The following ANKFY1 variants were observed in gnomAD, a reference collection of about 807,000 sequenced individuals.
ANKFY1 encodes the protein ankyrin repeat and FYVE domain containing 1, also known as ankyrin repeat and FYVE domain-containing protein 1.
Under a neutral mutation model 128.3 loss-of-function variants are expected in ANKFY1, and 47 were observed. That is an observed-to-expected ratio of 0.37 (90% CI 0.29 to 0.47). The LOEUF is 0.47. Ranked by LOEUF, ANKFY1 falls within the 20% of genes least tolerant of loss-of-function variation. The pLI is 1.00. For missense variants in ANKFY1, 1,222 were observed against 1,510.6 expected, an observed-to-expected ratio of 0.81 and a Z score of 3.17; for synonymous variants, 553 against 601.6, an observed-to-expected ratio of 0.92 and a Z score of 1.18.
chr17:4,183,874 A>G lies in ANKFY1; in HGVS notation c.1736T>C (p.Ile579Thr). Reference protein sequence around the residue: ...ALHATNNLQIIPDFSLKDSRD... With the variant: ...ALHATNNLQITPDFSLKDSRD... The stretch of plus-strand genomic sequence containing the variant: ...GGAATCTTTGAGGCTGAAGTCCGGA[A>G]TGATCTGCAAGTTGTTGGTGGCATG... The change falls in exon 13 of 25, where the codon ATT becomes ACT. Residue 579 changes from isoleucine to threonine, a missense_variant. Physicochemically the swap from Ile to Thr is moderately conservative, Grantham distance 89. Coordinates refer to ENST00000341657, the MANE Select transcript of ANKFY1 (RefSeq NM_001330063.2). The G allele has an allele frequency of 6.2e-7, 1 of 1,613,990 alleles. No homozygotes were observed. The highest frequency in any genetic ancestry group is 8.5e-7 in the Non-Finnish European group (1 of 1,179,826).
intron 7 of ANKFY1, among the ~76,000 whole-genome samples, chr17:4,202,979 C>CATATATATATATATAT (rs1187854341): frequency 9.6e-6 from 1 of 104,326 alleles, no homozygotes; most frequent in African/African-American, 3.2e-5. Context: ...TATAATCATA[C>CATATATATATATATAT]ACATATATAT....
intron 2 of ANKFY1, among the ~76,000 whole-genome samples, chr17:4,237,901 A>G (rs917629240): frequency 1.3e-5 from 2 of 152,162 alleles, no homozygotes; most frequent in Non-Finnish European, 2.9e-5. Flanking sequence ...GGAGGCAAAG[A>G]GTTTCTTGTT....
Position 4,176,736 on chromosome 17 carries a change from C to T in ANKFY1, c.2775+390G>A, listed in dbSNP as rs186009226. ...GGGGGTAAAATTCTTTCTCGGCCTA[C>T]ATTTTCTCCTTTGTAAAATGTAAAA... On this transcript the variant is annotated intron_variant, in intron 19 of 24. Coordinates refer to ENST00000341657, the MANE Select transcript of ANKFY1 (RefSeq NM_001330063.2). Among the ~76,000 whole-genome samples the T allele has an allele frequency of 2.6e-5, 4 of 152,374 alleles. No individual in the cohort carries two copies. In the East Asian group the frequency reaches 5.8e-4, roughly 22 times the overall value.
At chr17:4,259,962 G>A (rs886684005) in intron 1 of ANKFY1, among the ~76,000 whole-genome samples, 1 of 152,196 alleles carries the variant, frequency 6.6e-6, no homozygotes, top group Non-Finnish European at 1.5e-5. Flanking sequence ...TCCAGGCCAA[G>A]GAAACTGCAG....
intron 2 of ANKFY1, among the ~76,000 whole-genome samples, chr17:4,237,665 G>A (rs1371374647): frequency 6.6e-6 from 1 of 152,030 alleles, no homozygotes; most frequent in African/African-American, 2.4e-5. Context: ...TCTATCTTTT[G>A]TAATCTGACA....
chr17:4,237,812 T>A (rs1021616505), intron 2 of ANKFY1, among the ~76,000 whole-genome samples: 11 of 152,178 alleles, frequency 7.2e-5, no homozygotes, highest in East Asian at 3.8e-4. Context: ...ACCTAGTAAT[T>A]TTTTTAAAAA....
Position 4,167,269 on chromosome 17 carries a change from C to G in ANKFY1, c.*510G>C, listed in dbSNP as rs977522377. 6.5e-6 allele frequency: 1 copy of G among 152,752 alleles called. No homozygotes were observed. Among genetic ancestry groups the G allele is most frequent in the African/African-American group, 2.4e-5 (1 of 41,468 alleles). The allele number at this position is 152,752 out of a possible 1,614,324, so 9.5% of individuals were successfully genotyped here. A position where few individuals can be genotyped will look rare whatever the true frequency, so the allele number is the denominator to read the frequency against. ...AGCTTAGCGTAAAAAGAAAAAAAGA[C>G]TTCAGGGCAAGAGGATCCTATTATC... On this transcript the variant is annotated 3_prime_UTR_variant, in exon 25 of 25. Coordinates refer to ENST00000341657, the MANE Select transcript of ANKFY1 (RefSeq NM_001330063.2). The surrounding 1 kb of genome is among the most constrained non-coding windows in gnomAD (Gnocchi z 4.1).
At chr17:4,222,430 A>G in intron 3 of ANKFY1, 2 of 803,200 alleles carry the variant, frequency 2.5e-6, no homozygotes, top group South Asian at 2.7e-5. Context: ...TTCGAAGTCC[A>G]AGGTTGAATG....
At chr17:4,208,866 C>T (rs2060073982) in intron 5 of ANKFY1, among the ~76,000 whole-genome samples, 1 of 152,114 alleles carries the variant, frequency 6.6e-6, no homozygotes, top group African/African-American at 2.4e-5. Flanking sequence ...TGAGACCAGC[C>T]TGACCAACGT....
At chr17:4,231,387 G>A (rs1311857912) in intron 3 of ANKFY1, among the ~76,000 whole-genome samples, 2 of 152,096 alleles carry the variant, frequency 1.3e-5, no homozygotes, top group African/African-American at 4.8e-5. Flanking sequence ...TACTTGAGAG[G>A]CTGAGGTGGG....
chr17:4,243,704 T>TC (rs1173436982), intron 1 of ANKFY1, among the ~76,000 whole-genome samples: 1 of 152,174 alleles, frequency 6.6e-6, no homozygotes, highest in Admixed American at 6.5e-5. Context: ...GCACCTATCC[T>TC]CCTTCAGGTG....
intron 22 of ANKFY1, among the ~76,000 whole-genome samples, chr17:4,171,955 C>T (rs2059328171): frequency 6.6e-6 from 1 of 152,120 alleles, no homozygotes; most frequent in African/African-American, 2.4e-5. Flanking sequence ...TTTTCCTTAC[C>T]CGAAAAACGG....
At position 4,172,685 on chromosome 17, in the gene ANKFY1, T is replaced by C. The variant is rs765148229; in HGVS notation, c.3015-5A>G. The stretch of plus-strand genomic sequence containing the variant: ...ATGTGCAGTGGTGACTGGCCTCTGA[T>C]AAAACAAGTTGGAAAAGTTAGGAAT... On this transcript the variant is annotated splice_polypyrimidine_tract_variant and splice_region_variant and intron_variant, in intron 21 of 24. Coordinates refer to ENST00000341657, the MANE Select transcript of ANKFY1 (RefSeq NM_001330063.2). The C allele has an allele frequency of 5.6e-6, 9 of 1,613,692 alleles. No individual in the cohort carries two copies. The South Asian group carries it at 7.7e-5, about 14-fold the overall frequency.
chr17:4,262,063 T>C (rs576888519), intron 1 of ANKFY1, among the ~76,000 whole-genome samples: 2 of 152,322 alleles, frequency 1.3e-5, no homozygotes, highest in African/African-American at 2.4e-5. Context: ...CGATGGCTCA[T>C]ACCTGCAACC....
intron 1 of ANKFY1, among the ~76,000 whole-genome samples, chr17:4,253,842 G>T (rs1019677432): frequency 1.3e-5 from 2 of 152,016 alleles, no homozygotes; most frequent in Non-Finnish European, 2.9e-5. Flanking sequence ...TAAACTACAC[G>T]ACTTTACCTA....
At chr17:4,184,414 A>T (rs940756875) in intron 12 of ANKFY1, among the ~76,000 whole-genome samples, 1 of 152,242 alleles carries the variant, frequency 6.6e-6, no homozygotes, top group Admixed American at 6.5e-5. Flanking sequence ...TTTCTGAGGG[A>T]AACGGCCCTT....
chr17:4,178,980 G>C lies in ANKFY1; in HGVS notation c.2475C>G (p.His825Gln). 1 of 1,614,202 alleles carries C rather than the reference G, an allele frequency of 6.2e-7. No homozygotes were observed. Among genetic ancestry groups the C allele is most frequent in the Non-Finnish European group, 8.5e-7 (1 of 1,180,046 alleles). ...CTCGTACATTCAAATGGATATCGGG[G>C]TGAGAAACCAACAGCTGAATGATGA... Reference protein sequence around the residue: ...HGVIIQLLVSHPDIHLNVRDR... With the variant: ...HGVIIQLLVSQPDIHLNVRDR... Residue 825 changes from histidine to glutamine, a missense_variant, in exon 18 of 25, where the codon CAC becomes CAG. Physicochemically the swap from His to Gln is conservative, Grantham distance 24. Coordinates refer to ENST00000341657, the MANE Select transcript of ANKFY1 (RefSeq NM_001330063.2). The surrounding 1 kb of genome is among the most constrained non-coding windows in gnomAD (Gnocchi z 4.1).
At chr17:4,244,265 A>G (rs1377144604) in intron 1 of ANKFY1, among the ~76,000 whole-genome samples, 1 of 152,184 alleles carries the variant, frequency 6.6e-6, no homozygotes, top group Non-Finnish European at 1.5e-5. Flanking sequence ...ATTTATAATT[A>G]AAATAATTAC....
At chr17:4,193,740 T>A (rs184576147) in intron 10 of ANKFY1, among the ~76,000 whole-genome samples, 66 of 150,632 alleles carry the variant, frequency 4.4e-4, no homozygotes, top group African/African-American at 1.5e-3. Context: ...CTTTAATTTT[T>A]TTTTATTTTA....
Sources: allele counts gnomAD v4.1 joint callset (sites outside exome capture counted in the v4.1 genomes callset), GRCh38; gene constraint gnomAD v4.1.1; non-coding constraint Gnocchi (gnomAD v3.1); transcripts MANE v1.5; gene names NCBI Gene and HGNC (gene_info 2026-07-23, HGNC 2026-07-21).